The following SLC10A1 variants were observed in gnomAD, a reference collection of about 807,000 sequenced individuals.
SLC10A1 encodes hepatic sodium/bile acid cotransporter.
In SLC10A1, 36 loss-of-function variants were observed where a neutral mutation model predicts 20.5. That is an observed-to-expected ratio of 1.75 (90% CI 1.34 to 2.32). SLC10A1 has a LOEUF of 2.32. Among genes scored for constraint, SLC10A1 ranks in the 30% most tolerant of loss-of-function variants. The pLI is 0.00. For synonymous variants in SLC10A1, 188 were observed against 163.6 expected, an observed-to-expected ratio of 1.15 and a Z score of -1.14; for missense variants, 545 against 439.1, an observed-to-expected ratio of 1.24 and a Z score of -2.16.
chr14:69,787,384 A>C (rs8022592), intron 1 of SLC10A1, among the ~76,000 whole-genome samples: 2,798 of 152,302 alleles, frequency 0.018, 69 homozygotes, highest in African/African-American at 0.063. Context: ...TTACATTAAC[A>C]ATATATGGCT....
At chr14:69,785,961 T>TA (rs1188031665) in intron 2 of SLC10A1, 136 bp downstream of exon 2, 10 of 664,654 alleles carry the variant, frequency 1.5e-5, no homozygotes, top group African/African-American at 7.3e-5. Context: ...AGTGAATCCT[T>TA]AGAGTGCATA....
intron 2 of SLC10A1, among the ~76,000 whole-genome samples, chr14:69,780,748 C>G (rs531054590): frequency 6.6e-6 from 1 of 152,330 alleles, no homozygotes; most frequent in South Asian, 2.1e-4. Context: ...TAACCATGTG[C>G]TTCAAGTTTT....
intron 4 of SLC10A1, 124 bp from the exon 5 acceptor site, chr14:69,776,512 C>G (rs139756142): frequency 5.7e-6 from 4 of 706,198 alleles, no homozygotes; most frequent in African/African-American, 3.6e-5. Flanking sequence ...TATATATTTT[C>G]CATCTCTGTC....
chr14:69,780,387 A>T (rs1028787692), intron 2 of SLC10A1, among the ~76,000 whole-genome samples: 2 of 65,030 alleles, frequency 3.1e-5, no homozygotes, highest in South Asian at 3.1e-4. Flanking sequence ...AGAAATACTT[A>T]ACTTTTCTCA....
chr14:69,788,475 G>A (rs1470829794), intron 1 of SLC10A1, among the ~76,000 whole-genome samples: 1 of 151,610 alleles, frequency 6.6e-6, no homozygotes, highest in South Asian at 2.1e-4. Flanking sequence ...AAGCCAACAA[G>A]AGAATGGGAG....
chr14:69,789,098 C>T (rs189853822), intron 1 of SLC10A1, among the ~76,000 whole-genome samples: 2 of 152,232 alleles, frequency 1.3e-5, no homozygotes, highest in Middle Eastern at 3.4e-3. Context: ...AATTAGGAAT[C>T]CTCATACACT....
At chr14:69,781,981 G>A (rs753058008) in intron 2 of SLC10A1, among the ~76,000 whole-genome samples, 7 of 152,194 alleles carry the variant, frequency 4.6e-5, no homozygotes, top group Non-Finnish European at 5.9e-5. Flanking sequence ...AAGAGGCTAG[G>A]ACAATCATTT....
rs1454495573 is a variant in SLC10A1 at position 69,775,503 on chromosome 14, C to A, written c.*779G>T. 2 of 152,066 alleles carry A rather than the reference C, an allele frequency of 1.3e-5. No individual in the cohort carries two copies. The highest frequency in any genetic ancestry group is 4.8e-5 in the African/African-American group (2 of 41,400). 9.4% of individuals were successfully genotyped at this position (152,066 alleles called of 1,614,324 possible). A position where few individuals can be genotyped will look rare whatever the true frequency, so the allele number is the denominator to read the frequency against. On this transcript the variant is annotated 3_prime_UTR_variant, in exon 5 of 5. Coordinates refer to ENST00000216540, the MANE Select transcript of SLC10A1 (RefSeq NM_003049.4). Reference sequence around the variant, plus strand: ...GAACATTTTTCTTTGAATTGGGAAACGACTCATTTTGGCAGTAGTTTGCTG... The same window carrying A: ...GAACATTTTTCTTTGAATTGGGAAAAGACTCATTTTGGCAGTAGTTTGCTG...
chr14:69,791,773 G>A (rs754613219), intron 1 of SLC10A1, among the ~76,000 whole-genome samples: 1 of 152,122 alleles, frequency 6.6e-6, no homozygotes, highest in Non-Finnish European at 1.5e-5. Flanking sequence ...ACAAATACCT[G>A]GAGAAAAATT....
chr14:69,781,373 T>G (rs1236283248), intron 2 of SLC10A1, among the ~76,000 whole-genome samples: 2 of 152,244 alleles, frequency 1.3e-5, no homozygotes, highest in Non-Finnish European at 2.9e-5. Context: ...TGCTCATTCA[T>G]GGGCAGCCAA....
chr14:69,794,157 T>C (rs971745262), intron 1 of SLC10A1, among the ~76,000 whole-genome samples: 1 of 152,246 alleles, frequency 6.6e-6, no homozygotes, highest in African/African-American at 2.4e-5. Context: ...ATTGTGCTTA[T>C]CTCAAACTGG....
Position 69,776,058 on chromosome 14 carries a change from C to A in SLC10A1, c.*224G>T. On this transcript the variant is annotated 3_prime_UTR_variant, in exon 5 of 5. Transcript: ENST00000216540. ...TTTCATAGAGTTTACAGTCACTGAA[C>A]AAGTCTTTAAAATAAGTAGCAAATT... The A allele has an allele frequency of 1.8e-6, 1 of 546,108 alleles. No homozygotes were observed. Among genetic ancestry groups the A allele is most frequent in the East Asian group, 3.1e-5 (1 of 32,568 alleles). 33.8% of individuals were successfully genotyped at this position (546,108 alleles called of 1,614,324 possible). A position where few individuals can be genotyped will look rare whatever the true frequency, so the allele number is the denominator to read the frequency against.
At chr14:69,788,970 A>G (rs1171102597) in intron 1 of SLC10A1, among the ~76,000 whole-genome samples, 1 of 152,256 alleles carries the variant, frequency 6.6e-6, no homozygotes, top group African/African-American at 2.4e-5. Context: ...AAGATGCTCA[A>G]CATCATTACT....
At position 69,779,197 on chromosome 14, in the gene SLC10A1, A is replaced by G. The variant is rs1461130380; in HGVS notation, c.731T>C (p.Phe244Ser). The G allele has an allele frequency of 1.2e-6, 2 of 1,611,014 alleles. No homozygotes were observed. The highest frequency in any genetic ancestry group is 1.7e-6 in the Non-Finnish European group (2 of 1,178,956). Residue 244 changes from phenylalanine to serine, a missense_variant, in exon 3 of 5, where the codon TTC (phenylalanine) becomes TCC (serine). Coordinates refer to ENST00000216540, the MANE Select transcript of SLC10A1 (RefSeq NM_003049.4). The part of the protein sequence containing the change: ...FLLGYVLSAL[F>S]CLNGRCRRTV... ...AAATACCTACCGTCCATTGAGGCAGAAGAGAGCAGAGAGAACATAACCCAG... is the reference window on the plus strand; with the variant it reads ...AAATACCTACCGTCCATTGAGGCAGGAGAGAGCAGAGAGAACATAACCCAG...
chr14:69,785,290 T>C (rs1883686165), intron 2 of SLC10A1, among the ~76,000 whole-genome samples: 2 of 152,220 alleles, frequency 1.3e-5, no homozygotes, highest in African/African-American at 4.8e-5. Flanking sequence ...TCTCAAAACC[T>C]TTGTGGCCTT....
chr14:69,785,838 A>C (rs992274712), intron 2 of SLC10A1, among the ~76,000 whole-genome samples: 1 of 148,060 alleles, frequency 6.8e-6, no homozygotes. Flanking sequence ...CAAACTTCTG[A>C]CCTCAAGTGA....
At chr14:69,777,154 C>G (rs892851618) in intron 4 of SLC10A1, among the ~76,000 whole-genome samples, 1 of 152,176 alleles carries the variant, frequency 6.6e-6, no homozygotes, top group Admixed American at 6.5e-5. Context: ...CTAGAAACTT[C>G]TGTGCACTTT....
rs117265695 is a variant in SLC10A1 at position 69,783,562 on chromosome 14, C to G, written c.567+2535G>C. Among the ~76,000 whole-genome samples, 763 of 152,034 alleles carry G rather than the reference C, an allele frequency of 5.0e-3. 3 individuals are homozygous for G. Among genetic ancestry groups the G allele is most frequent in the Non-Finnish European group, 8.5e-3 (580 of 67,992 alleles). Reference sequence around the variant, plus strand: ...TTCCAGGTGAAGAGAAGGGCACGTGCAAAGAGAAAAGAGCTGAGACTGGTG... The same window carrying G: ...TTCCAGGTGAAGAGAAGGGCACGTGGAAAGAGAAAAGAGCTGAGACTGGTG... On this transcript the variant is annotated intron_variant, in intron 2 of 4. Coordinates refer to ENST00000216540, the MANE Select transcript of SLC10A1 (RefSeq NM_003049.4).
At chr14:69,789,552 C>G (rs1883795406) in intron 1 of SLC10A1, among the ~76,000 whole-genome samples, 1 of 152,130 alleles carries the variant, frequency 6.6e-6, no homozygotes, top group Non-Finnish European at 1.5e-5. Flanking sequence ...GAAATGGGGA[C>G]TCCTGCTAAA....
Sources: gnomAD v4.1 joint callset for allele counts (sites outside exome capture counted in the v4.1 genomes callset) on GRCh38, gnomAD v4.1.1 for gene constraint, MANE v1.5 for transcripts, NCBI Gene and HGNC (gene_info 2026-07-23, HGNC 2026-07-21) for gene names.